The following PI4K2A variants were observed in gnomAD, a reference collection of about 807,000 sequenced individuals.
The protein encoded by PI4K2A is phosphatidylinositol 4-kinase type 2-alpha.
A neutral mutation model predicts 55.0 loss-of-function variants in PI4K2A; 20 were observed. That is an observed-to-expected ratio of 0.36 (90% CI 0.26 to 0.53). PI4K2A has a LOEUF of 0.53. PI4K2A is among the 20% of genes least tolerant of loss of function. The probability of loss-of-function intolerance (pLI) is 0.91; values close to 1 mark genes in which losing one functional copy is unlikely to be tolerated. For synonymous variants in PI4K2A, 235 were observed against 258.5 expected (o/e 0.91, Z 0.87); for missense variants, 463 against 637.1 (o/e 0.73, Z 2.94).
chr10:97,663,516 CT>C (rs34921397), intron 5 of PI4K2A, among the ~76,000 whole-genome samples: 4,527 of 141,512 alleles, frequency 0.032, 163 homozygotes, highest in East Asian at 0.15. Flanking sequence ...TCTTTTCTTT[CT>C]TTTTTTTTTT....
chr10:97,642,704 A>C (rs1426379243), intron 1 of PI4K2A, among the ~76,000 whole-genome samples: 2 of 152,042 alleles, frequency 1.3e-5, no homozygotes, highest in Non-Finnish European at 2.9e-5. Flanking sequence ...TTCTTAAATA[A>C]AAGAGCTTGC....
exon 9 of PI4K2A, chr10:97,675,786 C>T (rs540040348): frequency 1.3e-5 from 2 of 152,872 alleles, no homozygotes; most frequent in South Asian, 4.1e-4. Context: ...TGGCCTTTCT[C>T]CACTCTCCCT....
chr10:97,653,800 C>T (rs1474518715), intron 2 of PI4K2A, among the ~76,000 whole-genome samples: 1 of 152,168 alleles, frequency 6.6e-6, no homozygotes, highest in African/African-American at 2.4e-5. Flanking sequence ...GCCTGTAATC[C>T]CAGCTACTTG....
At chr10:97,653,791 C>T (rs1187216276) in intron 2 of PI4K2A, among the ~76,000 whole-genome samples, 7 of 152,314 alleles carry the variant, frequency 4.6e-5, no homozygotes, top group Non-Finnish European at 7.3e-5. Flanking sequence ...GTGGTGCGTG[C>T]CTGTAATCCC....
intron 4 of PI4K2A, among the ~76,000 whole-genome samples, chr10:97,660,225 T>C (rs1250933280): frequency 6.7e-6 from 1 of 150,036 alleles, no homozygotes; most frequent in Non-Finnish European, 1.5e-5. Context: ...ATGGTCTCGA[T>C]CTCCTGACCT....
chr10:97,661,851 ATTT>A (rs11293508), intron 4 of PI4K2A, among the ~76,000 whole-genome samples: 17 of 125,984 alleles, frequency 1.3e-4, no homozygotes, highest in Admixed American at 1.6e-4. Context: ...TTCAGGTTTG[ATTT>A]TTTTTTTTTT....
At position 97,649,258 on chromosome 10, in the gene PI4K2A, T is replaced by G. The variant is rs1163482841; in HGVS notation, c.436-1683T>G. ...GGATAGCATATTTGCTTTTTTCCTT[T>G]GAATTACCAGTTTGGGGACTGGAGG... On this transcript the variant is annotated intron_variant, in intron 1 of 8. Coordinates refer to ENST00000370631, the Ensembl canonical transcript of PI4K2A. Among the ~76,000 whole-genome samples the G allele has an allele frequency of 2.0e-5, 3 of 152,220 alleles. No individual in the cohort carries two copies. In the East Asian group the frequency reaches 5.8e-4, roughly 29 times the overall value.
intron 1 of PI4K2A, among the ~76,000 whole-genome samples, chr10:97,643,067 T>A (rs2041486819): frequency 6.6e-6 from 1 of 151,572 alleles, no homozygotes; most frequent in Admixed American, 6.6e-5. Flanking sequence ...CACTGCTCAC[T>A]GCAGCCTTGA....
chr10:97,642,806 TCTTCCTTCCTTCCTTCCTTCCTTCCTTC>T lies in PI4K2A; in HGVS notation c.435+1649_435+1676del, dbSNP rs1183100302. ...GCCAGAGGCTTGCTTGCTTTCTCTT[TCTTCCTTCCTTCCTTCCTTCCTTCCTTC>T]CTTCCTTCCTTCCTTCCTTTCTTTC... On this transcript the variant is annotated intron_variant, in intron 1 of 8. Coordinates refer to ENST00000370631, the Ensembl canonical transcript of PI4K2A. Among the ~76,000 whole-genome samples, 84 of 105,322 alleles carry T rather than the reference TCTTCCTTCCTTCCTTCCTTCCTTCCTTC, an allele frequency of 8.0e-4. 1 individual carries two copies. In the East Asian group the frequency reaches 0.013, roughly 16 times the overall value. 69.1% of individuals were successfully genotyped at this position (105,322 alleles called of 152,430 possible).
intron 1 of PI4K2A, 121 bp from the exon 2 acceptor site, chr10:97,650,820 A>T: frequency 1.4e-6 from 1 of 719,356 alleles, no homozygotes; most frequent in Non-Finnish European, 2.3e-6. Flanking sequence ...CCTGAGTCCA[A>T]CTGTAAGTAG....
intron 1 of PI4K2A, among the ~76,000 whole-genome samples, chr10:97,646,992 GGCTGGTCTTGAACTCCT>G (rs1430031737): frequency 6.6e-6 from 1 of 151,638 alleles, no homozygotes; most frequent in Non-Finnish European, 1.5e-5. Flanking sequence ...ATGTTGGCCA[GGCTGGTCTTGAACTCCT>G]GACCTCAAAT....
chr10:97,666,344 G>T lies in PI4K2A; in HGVS notation c.1085-94G>T, dbSNP rs2041609225. 3 of 1,126,718 alleles carry T rather than the reference G, an allele frequency of 2.7e-6. No individual in the cohort carries two copies. In the Admixed American group the frequency reaches 6.7e-5, roughly 25 times the overall value. The allele number at this position is 1,126,718 out of a possible 1,614,324, so 69.8% of individuals were successfully genotyped here. On this transcript the variant is annotated intron_variant, in intron 6 of 8. Coordinates refer to ENST00000370631, the Ensembl canonical transcript of PI4K2A. ...TTCTGTTGTATGTCAGGGAAGAGGG[G>T]TTCTCCTTTAGAAAGTGCCTTGACT... is the stretch of plus-strand genomic sequence containing the variant.
rs117452364 is a variant in PI4K2A at position 97,657,630 on chromosome 10, T to G, written c.922+656T>G. Reference sequence around the variant, plus strand: ...TTGCAGTGAGTCAGAATTGCACCACTGCACTCTAACCTGGGTGACAGAGCA... The same window carrying G: ...TTGCAGTGAGTCAGAATTGCACCACGGCACTCTAACCTGGGTGACAGAGCA... On this transcript the variant is annotated intron_variant, in intron 4 of 8. Coordinates refer to ENST00000370631, the Ensembl canonical transcript of PI4K2A. Among the ~76,000 whole-genome samples the G allele has an allele frequency of 6.1e-3, 914 of 149,606 alleles. 3 individuals are homozygous for G. Among genetic ancestry groups the G allele is most frequent in the Non-Finnish European group, 0.011 (722 of 67,672 alleles).
chr10:97,656,754 A>G lies in PI4K2A; in HGVS notation c.769-67A>G. On this transcript the variant is annotated intron_variant, in intron 3 of 8. Transcript: ENST00000370631. This position sits in a 1 kb window ranked among gnomAD's most constrained non-coding sequence, Gnocchi z 4.5. ...CATAGGGCCTTAATGGGTATCTGGC[A>G]TATACTCCAAAGGTCTTTGGATTTG... 6.8e-7 allele frequency: 1 copy of G among 1,464,190 alleles called. No homozygotes were observed. The allele number at this position is 1,464,190 out of a possible 1,614,324, so 90.7% of individuals were successfully genotyped here.
rs191221077 is a variant in PI4K2A, at chr10:97,661,283, G to A, written c.923-1624G>A. Among the ~76,000 whole-genome samples, 29 of 152,022 alleles carry A rather than the reference G, an allele frequency of 1.9e-4. No individual in the cohort carries two copies. In the East Asian group the frequency reaches 5.2e-3, roughly 27 times the overall value. On this transcript the variant is annotated intron_variant, in intron 4 of 8. Transcript: ENST00000370631. Reference sequence around the variant, plus strand: ...TGGGATTACAGGAGTGAGCCACCGCGCCCGGCCACTGCTGGATTATTTTAA... The same window carrying A: ...TGGGATTACAGGAGTGAGCCACCGCACCCGGCCACTGCTGGATTATTTTAA...
intron 1 of PI4K2A, among the ~76,000 whole-genome samples, chr10:97,649,609 A>ATAT (rs2041520879): frequency 1.4e-5 from 1 of 70,502 alleles, no homozygotes; most frequent in Non-Finnish European, 3.1e-5. Flanking sequence ...TCCATAATAG[A>ATAT]TTTTTTTTTT....
chr10:97,648,007 T>C (rs989479229), intron 1 of PI4K2A, among the ~76,000 whole-genome samples: 1 of 151,794 alleles, frequency 6.6e-6, no homozygotes, highest in African/African-American at 2.4e-5. Flanking sequence ...TGCTTCTAGC[T>C]CACTGCAGCC....
exon 9 of PI4K2A, chr10:97,674,169 G>T (rs1048142224): frequency 1.9e-5 from 3 of 155,382 alleles, no homozygotes; most frequent in Admixed American, 6.4e-5. Context: ...TTTAATCCAG[G>T]CCTAAATTTG....
At chr10:97,640,696 C>G in exon 1 of PI4K2A, 2 of 1,335,480 alleles carry the variant, frequency 1.5e-6, no homozygotes, top group Non-Finnish European at 2.0e-6. Flanking sequence ...CGGCCGCGAG[C>G]GCAGTGGTGT....
Sources: gnomAD v4.1 joint callset for allele counts (sites outside exome capture counted in the v4.1 genomes callset) on GRCh38, gnomAD v4.1.1 for gene constraint, Gnocchi (gnomAD v3.1) non-coding constraint, MANE v1.5 for transcripts, NCBI Gene and HGNC (gene_info 2026-07-23, HGNC 2026-07-21) for gene names.